HSD17B3: variants seen among roughly 807,000 people sequenced by gnomAD.
HSD17B3 encodes the protein hydroxysteroid 17-beta dehydrogenase 3.
A neutral mutation model predicts 41.1 loss-of-function variants in HSD17B3; 29 were observed. That is an observed-to-expected ratio of 0.71 (90% CI 0.53 to 0.96). The LOEUF (loss-of-function observed/expected upper bound fraction) is 0.96. HSD17B3 is among the 40% of genes least tolerant of loss of function. HSD17B3 has a pLI of 0.00. For synonymous variants in HSD17B3, 126 were observed against 145.6 expected (o/e 0.87, Z 0.97); for missense variants, 323 against 374.6 (o/e 0.86, Z 1.14).
rs762883555 is a variant in HSD17B3, at chr9:96,249,746, C to T, written c.489+5G>A. 6.8e-6 allele frequency: 11 copies of T among 1,613,742 alleles called. No homozygotes were observed. The highest frequency in any genetic ancestry group is 8.5e-6 in the Non-Finnish European group (10 of 1,179,812). ...ATGCATTTCGCACATATATTGATCACATACCTTGACTACGGAGGTGATGTT... is the reference window on the plus strand; with the variant it reads ...ATGCATTTCGCACATATATTGATCATATACCTTGACTACGGAGGTGATGTT... On this transcript the variant is annotated splice_donor_5th_base_variant and intron_variant, in intron 6 of 10. Coordinates refer to ENST00000375263, the MANE Select transcript of HSD17B3 (RefSeq NM_000197.2).
intron 2 of HSD17B3, among the ~76,000 whole-genome samples, chr9:96,292,791 G>A (rs1827202215): frequency 6.6e-6 from 1 of 152,180 alleles, no homozygotes; most frequent in Admixed American, 6.5e-5. Context: ...AAAGCCAAGA[G>A]AGAAACACTC....
At chr9:96,262,119 G>A (rs548898119) in intron 2 of HSD17B3, among the ~76,000 whole-genome samples, 3 of 150,770 alleles carry the variant, frequency 2.0e-5, no homozygotes, top group South Asian at 2.1e-4. Flanking sequence ...CATGAACAAC[G>A]CCCAGTGAGT....
At chr9:96,277,058 G>C (rs1826490225) in intron 2 of HSD17B3, among the ~76,000 whole-genome samples, 1 of 152,042 alleles carries the variant, frequency 6.6e-6, no homozygotes, top group African/African-American at 2.4e-5. Context: ...AAAATTAGCT[G>C]GGCGTGGTGG....
At chr9:96,251,284 C>T (rs1477634774) in intron 5 of HSD17B3, 134 bp downstream of exon 5, 1 of 711,192 alleles carries the variant, frequency 1.4e-6, no homozygotes, top group Admixed American at 2.2e-5. Flanking sequence ...GGAAAGGGGG[C>T]CTCAATACAT....
intron 2 of HSD17B3, among the ~76,000 whole-genome samples, chr9:96,269,909 GAAAAA>G (rs59947729): frequency 1.0e-3 from 109 of 103,904 alleles, no homozygotes; most frequent in African/African-American, 3.2e-3. Flanking sequence ...ATCTTAAAAA[GAAAAA>G]AAAAAAAAAA....
intron 2 of HSD17B3, among the ~76,000 whole-genome samples, chr9:96,262,780 T>C (rs1311403370): frequency 2.0e-5 from 3 of 152,232 alleles, no homozygotes; most frequent in Admixed American, 2.0e-4. Flanking sequence ...CTGATACTAA[T>C]ATTGCTTCCA....
At chr9:96,262,564 C>A (rs1453905320) in intron 2 of HSD17B3, among the ~76,000 whole-genome samples, 1 of 151,894 alleles carries the variant, frequency 6.6e-6, no homozygotes, top group East Asian at 1.9e-4. Flanking sequence ...ATTTTAATTT[C>A]TTTATACTTT....
chr9:96,265,978 T>C (rs1486849905), intron 2 of HSD17B3, among the ~76,000 whole-genome samples: 1 of 152,200 alleles, frequency 6.6e-6, no homozygotes, highest in African/African-American at 2.4e-5. Context: ...CCTTTGAAAG[T>C]TGGCTCTTTG....
intron 7 of HSD17B3, among the ~76,000 whole-genome samples, chr9:96,245,895 C>T (rs553112763): frequency 6.6e-6 from 1 of 152,190 alleles, no homozygotes; most frequent in Non-Finnish European, 1.5e-5. Flanking sequence ...AGGACCTGCT[C>T]ACACAGATAC....
At chr9:96,283,992 A>G (rs1212192845) in intron 2 of HSD17B3, among the ~76,000 whole-genome samples, 2 of 152,106 alleles carry the variant, frequency 1.3e-5, no homozygotes, top group East Asian at 1.9e-4. Context: ...TAGGAGTCCA[A>G]GGCAGGTGAA....
At chr9:96,241,003 A>T in intron 9 of HSD17B3, 96 bp from the exon 10 acceptor site, 2 of 1,436,138 alleles carry the variant, frequency 1.4e-6, no homozygotes, top group Non-Finnish European at 1.9e-6. Flanking sequence ...CCATTTCCCG[A>T]CCCTTCTCTT....
chr9:96,237,344 C>T (rs1050343929), intron 10 of HSD17B3, among the ~76,000 whole-genome samples: 12 of 152,334 alleles, frequency 7.9e-5, no homozygotes, highest in Non-Finnish European at 1.6e-4. Flanking sequence ...CAAAAGCAGA[C>T]TTAAATTCTA....
At chr9:96,272,536 A>G (rs956562646) in intron 2 of HSD17B3, among the ~76,000 whole-genome samples, 1 of 146,508 alleles carries the variant, frequency 6.8e-6, no homozygotes, top group African/African-American at 2.5e-5. Context: ...TCACTACACA[A>G]CCATCATAAT....
chr9:96,255,396 TTTTTTTTTTTTG>T (rs2130734730), intron 2 of HSD17B3, among the ~76,000 whole-genome samples: 1 of 79,734 alleles, frequency 1.3e-5, no homozygotes, highest in Admixed American at 1.2e-4. Flanking sequence ...TTTTTTTTTT[TTTTTTTTTTTTG>T]CAATAGAGTC....
intron 2 of HSD17B3, among the ~76,000 whole-genome samples, chr9:96,285,639 C>T (rs935460921): frequency 3.3e-5 from 5 of 152,158 alleles, no homozygotes; most frequent in African/African-American, 1.2e-4. Context: ...AGTTTGCTCA[C>T]CGTTTTCTTA....
chr9:96,270,412 G>A (rs1587754183), intron 2 of HSD17B3, among the ~76,000 whole-genome samples: 1 of 152,100 alleles, frequency 6.6e-6, no homozygotes, highest in African/African-American at 2.4e-5. Context: ...AAATCTAGAG[G>A]AACATAAAAA....
chr9:96,250,510 T>C, intron 5 of HSD17B3: 4 of 1,040,654 alleles, frequency 3.8e-6, no homozygotes, highest in Non-Finnish European at 4.6e-6. Flanking sequence ...AATGGAAGCA[T>C]GAGAGCCTGT....
intron 10 of HSD17B3, among the ~76,000 whole-genome samples, chr9:96,235,809 G>A (rs1353193915): frequency 6.6e-6 from 1 of 151,910 alleles, no homozygotes; most frequent in South Asian, 2.1e-4. Context: ...CAGCCCTAAG[G>A]ATTTTTTTTT....
chr9:96,238,134 T>C (rs907299104), intron 10 of HSD17B3, among the ~76,000 whole-genome samples: 1 of 151,770 alleles, frequency 6.6e-6, no homozygotes, highest in South Asian at 2.1e-4. Flanking sequence ...TATGTCAAAA[T>C]TAAATAAAAT....
Sources: allele counts gnomAD v4.1 joint callset (sites outside exome capture counted in the v4.1 genomes callset), GRCh38; gene constraint gnomAD v4.1.1; transcripts MANE v1.5; gene names NCBI Gene and HGNC (gene_info 2026-07-23, HGNC 2026-07-21).